CLSTN2: variants seen among roughly 807,000 people sequenced by gnomAD.
The protein encoded by CLSTN2 is calsyntenin 2.
CLSTN2 carries 48 observed loss-of-function variants against 101.2 expected under a neutral mutation model. The observed-to-expected ratio is 0.47, with a 90% CI of 0.38 to 0.60. The LOEUF (loss-of-function observed/expected upper bound fraction) is 0.60. Ranked by LOEUF, CLSTN2 falls within the 20% of genes least tolerant of loss-of-function variation. The probability of loss-of-function intolerance (pLI) is 0.00; values close to 1 mark genes in which losing one functional copy is unlikely to be tolerated. For missense variants in CLSTN2, 1,160 were observed against 1,238.2 expected (o/e 0.94, Z 0.95); for synonymous variants, 481 against 463.6 (o/e 1.04, Z -0.48).
At chr3:140,440,716 G>T (rs1017866259) in intron 5 of CLSTN2, among the ~76,000 whole-genome samples, 34 of 152,320 alleles carry the variant, frequency 2.2e-4, no homozygotes, top group African/African-American at 7.9e-4. Context: ...ACCCAGGTCT[G>T]ACTCCAAAGC....
intron 2 of CLSTN2, among the ~76,000 whole-genome samples, chr3:140,260,304 A>T (rs72990146): frequency 0.056 from 8,493 of 152,004 alleles, 552 homozygotes; most frequent in African/African-American, 0.16. Flanking sequence ...GATCTTAGGA[A>T]CTATCACTGT....
chr3:140,064,624 C>T (rs1313793049), intron 1 of CLSTN2, among the ~76,000 whole-genome samples: 2 of 152,118 alleles, frequency 1.3e-5, no homozygotes, highest in Non-Finnish European at 2.9e-5. Flanking sequence ...TAAATACCTT[C>T]TGAATCAATG....
intron 2 of CLSTN2, among the ~76,000 whole-genome samples, chr3:140,265,714 C>T (rs2086688795): frequency 6.6e-6 from 1 of 152,016 alleles, no homozygotes; most frequent in Admixed American, 6.6e-5. Flanking sequence ...TAGGTAAGGG[C>T]CAGATTTTCA....
chr3:139,995,142 C>G (rs1268200939), intron 1 of CLSTN2, among the ~76,000 whole-genome samples: 1 of 152,126 alleles, frequency 6.6e-6, no homozygotes, highest in Non-Finnish European at 1.5e-5. Context: ...AATCATCTGT[C>G]TTGGCTAAGG....
At chr3:140,308,782 G>A (rs2087137568) in intron 2 of CLSTN2, among the ~76,000 whole-genome samples, 1 of 152,202 alleles carries the variant, frequency 6.6e-6, no homozygotes, top group African/African-American at 2.4e-5. Context: ...TTTATGCTAA[G>A]TCATCCAGTA....
chr3:140,283,052 C>A (rs960032162), intron 2 of CLSTN2, among the ~76,000 whole-genome samples: 1 of 152,050 alleles, frequency 6.6e-6, no homozygotes, highest in Admixed American at 6.6e-5. Context: ...GAGGTACAAT[C>A]CCTAAATCAT....
intron 1 of CLSTN2, among the ~76,000 whole-genome samples, chr3:140,061,764 G>GA (rs1193177441): frequency 6.6e-6 from 1 of 152,236 alleles, no homozygotes; most frequent in African/African-American, 2.4e-5. Context: ...GCCATGGCCT[G>GA]AAAGGACCAT....
At chr3:140,090,888 G>C (rs754931226) in intron 1 of CLSTN2, among the ~76,000 whole-genome samples, 6 of 152,148 alleles carry the variant, frequency 3.9e-5, no homozygotes, top group Non-Finnish European at 7.3e-5. Flanking sequence ...CTTTGTGGTA[G>C]GAAGTTAGAG....
intron 1 of CLSTN2, among the ~76,000 whole-genome samples, chr3:140,046,286 T>C (rs924624608): frequency 3.9e-5 from 6 of 152,326 alleles, no homozygotes; most frequent in Admixed American, 2.6e-4. Flanking sequence ...TTTGTCTCTT[T>C]TGATCTTTGT....
intron 2 of CLSTN2, among the ~76,000 whole-genome samples, chr3:140,355,951 A>G (rs143391330): frequency 1.3e-5 from 2 of 152,360 alleles, no homozygotes; most frequent in African/African-American, 4.8e-5. Context: ...TGAAAAGTTG[A>G]CCATAAATAT....
At chr3:139,947,076 C>G (rs903012384) in intron 1 of CLSTN2, among the ~76,000 whole-genome samples, 1 of 152,224 alleles carries the variant, frequency 6.6e-6, no homozygotes, top group African/African-American at 2.4e-5. Flanking sequence ...ATTCCACAAA[C>G]CAGTCTTCTT....
intron 5 of CLSTN2, among the ~76,000 whole-genome samples, chr3:140,446,230 T>A (rs1168393979): frequency 6.6e-6 from 1 of 152,182 alleles, no homozygotes. Context: ...AGCAACTTCA[T>A]GATCTCATCC....
intron 2 of CLSTN2, among the ~76,000 whole-genome samples, chr3:140,304,464 T>C (rs1479087163): frequency 4.6e-5 from 7 of 152,216 alleles, no homozygotes; most frequent in Non-Finnish European, 8.8e-5. Flanking sequence ...TTGTTGTATG[T>C]TCATAACGGC....
intron 2 of CLSTN2, among the ~76,000 whole-genome samples, chr3:140,177,110 A>G (rs750995981): frequency 6.6e-6 from 1 of 152,244 alleles, no homozygotes; most frequent in Non-Finnish European, 1.5e-5. Flanking sequence ...ATAAACCCAT[A>G]AGCATTCTTG....
chr3:140,408,124 A>C (rs2088324959), intron 4 of CLSTN2, among the ~76,000 whole-genome samples: 1 of 152,164 alleles, frequency 6.6e-6, no homozygotes, highest in Admixed American at 6.5e-5. Context: ...ATTGTGCAAA[A>C]AGAGTAGGAA....
chr3:140,399,559 A>C (rs1377343615), intron 2 of CLSTN2, among the ~76,000 whole-genome samples: 4 of 152,222 alleles, frequency 2.6e-5, no homozygotes, highest in Non-Finnish European at 5.9e-5. Flanking sequence ...TTTAAATACA[A>C]ATATAAGAGC....
chr3:140,378,554 T>C (rs979314181), intron 2 of CLSTN2, among the ~76,000 whole-genome samples: 2 of 152,232 alleles, frequency 1.3e-5, no homozygotes, highest in African/African-American at 4.8e-5. Context: ...GGTGCTATAA[T>C]ATCTGCCTGC....
In CLSTN2 at chr3:140,123,803, CATATATAT is replaced by C. The variant is rs150523094; in HGVS notation, c.110-52138_110-52131del. ...TCACATGAGGGGAGAGAGATGGAGA[CATATATAT>C]ATATATATACACATATATATGTATG... On this transcript the variant is annotated intron_variant, in intron 1 of 16. Transcript: ENST00000458420. 4.5e-3 allele frequency among the ~76,000 whole-genome samples: 652 copies of C among 145,024 alleles called. 7 individuals carry two copies. The highest frequency in any genetic ancestry group is 0.016 in the African/African-American group (620 of 39,474).
chr3:140,283,639 TG>T (rs1468425933), intron 2 of CLSTN2, among the ~76,000 whole-genome samples: 6 of 152,198 alleles, frequency 3.9e-5, no homozygotes, highest in African/African-American at 7.2e-5. Context: ...CTCAGGGTCT[TG>T]GCTATTATTT....
Sources: gnomAD v4.1 joint callset for allele counts (sites outside exome capture counted in the v4.1 genomes callset) on GRCh38, gnomAD v4.1.1 for gene constraint, MANE v1.5 for transcripts, NCBI Gene and HGNC (gene_info 2026-07-23, HGNC 2026-07-21) for gene names.